The following KIF1A variants were observed in gnomAD, a reference collection of about 807,000 sequenced individuals.
The protein encoded by KIF1A is kinesin family member 1A.
In KIF1A, 46 loss-of-function variants were observed where a neutral mutation model predicts 227.3. The observed-to-expected ratio is 0.20, with a 90% CI of 0.16 to 0.26. The LOEUF (loss-of-function observed/expected upper bound fraction) is 0.26. KIF1A is among the 10% of genes least tolerant of loss of function. The pLI is 1.00. For missense variants in KIF1A, 1,683 were observed against 2,485.9 expected, an observed-to-expected ratio of 0.68 and a Z score of 6.87; for synonymous variants, 1,022 against 1,012.8, an observed-to-expected ratio of 1.01 and a Z score of -0.17.
chr2:240,797,953 G>A (rs941211301), intron 1 of KIF1A, 141 bp from the exon 2 acceptor site: 1 of 535,916 alleles, frequency 1.9e-6, no homozygotes, highest in Non-Finnish European at 3.3e-6. Context: ...GAATCCACAA[G>A]GAGAGGAGGC....
At position 240,725,140 on chromosome 2, in the gene KIF1A, C is replaced by A. The variant is rs1303426275; in HGVS notation, c.4256+131G>T. 6 of 928,920 alleles carry A rather than the reference C, an allele frequency of 6.5e-6. No homozygotes were observed. The Admixed American group carries it at 1.6e-4, about 24-fold the overall frequency. 57.5% of individuals were successfully genotyped at this position (928,920 alleles called of 1,614,324 possible). On this transcript the variant is annotated intron_variant, in intron 40 of 48. Coordinates refer to ENST00000498729, the MANE Select transcript of KIF1A (RefSeq NM_001244008.2). The surrounding 1 kb of genome is among the most constrained non-coding windows in gnomAD (Gnocchi z 5.8). ...AGGGGACTGAGCGCAGGGAGCCAGC[C>A]AGGAGTGTGGCTGGGCCTCGCACAG...
rs902306423 is a variant in KIF1A at position 240,737,278 on chromosome 2, T to C, written c.3902-110A>G. On this transcript the variant is annotated intron_variant, in intron 37 of 48. Transcript: ENST00000498729. ...GCAAGCCAGCTCCCCACATGGTCAC[T>C]AGAGCGTCTGTCAAAGGCGGTGCCA... 562 of 824,560 alleles carry C rather than the reference T, an allele frequency of 6.8e-4. 1 individual carries two copies. The highest frequency in any genetic ancestry group is 7.3e-4 in the Non-Finnish European group (343 of 471,158). 51.1% of individuals were successfully genotyped at this position (824,560 alleles called of 1,614,324 possible). A position where few individuals can be genotyped will look rare whatever the true frequency, so the allele number is the denominator to read the frequency against.
chr2:240,797,943 G>C, intron 1 of KIF1A, 131 bp from the exon 2 acceptor site: 1 of 550,650 alleles, frequency 1.8e-6, no homozygotes, highest in Non-Finnish European at 3.2e-6. Flanking sequence ...GCATGGGGTG[G>C]AATCCACAAG....
In KIF1A at chr2:240,788,138, G is replaced by A; in HGVS notation, c.276C>T (p.Cys92=). 1 of 1,612,376 alleles carries A rather than the reference G, an allele frequency of 6.2e-7. No individual in the cohort carries two copies. The highest frequency in any genetic ancestry group is 8.5e-7 in the Non-Finnish European group (1 of 1,179,126). ...CACCCGTCTGCCCATAGGCGAAGAT[G>A]CACACGTTGTATCCCTCAAAGGCAT... ...LQHAFEGYNV[C]IFAYGQTGAG... The change falls in exon 4 of 49, where the codon TGC becomes TGT. Residue 92 remains cysteine, a synonymous_variant. Transcript: ENST00000498729. This position sits in a 1 kb window ranked among gnomAD's most constrained non-coding sequence, Gnocchi z 6.6.
chr2:240,818,521 C>T (rs568180053), intron 1 of KIF1A: 2 of 153,626 alleles, frequency 1.3e-5, no homozygotes, highest in Non-Finnish European at 2.9e-5. Flanking sequence ...GCACCGCAAG[C>T]TCCACATCTG....
Position 240,752,720 on chromosome 2 carries a change from G to C in KIF1A, c.2859-2173C>G, listed in dbSNP as rs1355883378. On this transcript the variant is annotated intron_variant, in intron 27 of 48. Coordinates refer to ENST00000498729, the MANE Select transcript of KIF1A (RefSeq NM_001244008.2). This position sits in a 1 kb window ranked among gnomAD's most constrained non-coding sequence, Gnocchi z 6.4. The stretch of plus-strand genomic sequence containing the variant: ...CCCACCCACCCCACATTTTCCCAGA[G>C]CTAGTGCCCACTGCAAAAATCCCAG... Among the ~76,000 whole-genome samples, 2 of 151,960 alleles carry C rather than the reference G, an allele frequency of 1.3e-5. No individual in the cohort carries two copies. Among genetic ancestry groups the C allele is most frequent in the African/African-American group, 4.8e-5 (2 of 41,374 alleles).
At chr2:240,728,807 C>T (rs952079096) in intron 38 of KIF1A, among the ~76,000 whole-genome samples, 15 of 152,224 alleles carry the variant, frequency 9.9e-5, no homozygotes, top group African/African-American at 2.2e-4. Flanking sequence ...TGCCTCAGAC[C>T]GCTGGAATGC....
chr2:240,812,734 GA>G (rs2057974702), intron 1 of KIF1A, among the ~76,000 whole-genome samples: 1 of 150,046 alleles, frequency 6.7e-6, no homozygotes, highest in Non-Finnish European at 1.5e-5. Context: ...TCACCTCAGG[GA>G]TCCGCCTTCA....
In KIF1A at chr2:240,725,380, C is replaced by T. The variant is rs773948117; in HGVS notation, c.4147G>A (p.Val1383Ile). 6.2e-7 allele frequency: 1 copy of T among 1,612,410 alleles called. No homozygotes were observed. The highest frequency in any genetic ancestry group is 8.5e-7 in the Non-Finnish European group (1 of 1,179,720). The change falls in exon 40 of 49, where the codon GTT becomes ATT. Residue 1383 changes from valine (V) to isoleucine (I), a missense_variant. Transcript: ENST00000498729. The surrounding 1 kb of genome is among the most constrained non-coding windows in gnomAD (Gnocchi z 5.8). ...IEMENCTQPAVVTKDFCMVFY... is the reference protein window; with the variant it reads ...IEMENCTQPAIVTKDFCMVFY... ...ACCATGCAGAAGTCCTTGGTGACAACAGCCGGCTGGGTGCAGTTCTCCATC... is the reference window on the plus strand; with the variant it reads ...ACCATGCAGAAGTCCTTGGTGACAATAGCCGGCTGGGTGCAGTTCTCCATC...
intron 2 of KIF1A, among the ~76,000 whole-genome samples, chr2:240,794,352 T>A (rs999944032): frequency 2.0e-5 from 3 of 152,050 alleles, no homozygotes; most frequent in African/African-American, 7.3e-5. Context: ...GCCACTCTTT[T>A]CCCTCCCCCG....
intron 27 of KIF1A, among the ~76,000 whole-genome samples, chr2:240,751,916 C>T (rs182831664): frequency 6.6e-6 from 1 of 152,300 alleles, no homozygotes; most frequent in African/African-American, 2.4e-5. Flanking sequence ...CTGTCAGGAC[C>T]TTCCCCTTGG....
In KIF1A at chr2:240,792,903, C is replaced by A. The variant is rs2055896746; in HGVS notation, c.107-3591G>T. Among the ~76,000 whole-genome samples, 1 of 152,190 alleles carries A rather than the reference C, an allele frequency of 6.6e-6. No homozygotes were observed. Among genetic ancestry groups the A allele is most frequent in the Non-Finnish European group, 1.5e-5 (1 of 68,040 alleles). On this transcript the variant is annotated intron_variant, in intron 2 of 48. Coordinates refer to ENST00000498729, the MANE Select transcript of KIF1A (RefSeq NM_001244008.2). The surrounding 1 kb of genome is among the most constrained non-coding windows in gnomAD (Gnocchi z 4.5). Reference sequence around the variant, plus strand: ...GCAGGCTGGGAAGACAGCCCTCCCACGATCTAGACCTGTGGGCATCTTGAT... The same window carrying A: ...GCAGGCTGGGAAGACAGCCCTCCCAAGATCTAGACCTGTGGGCATCTTGAT...
Position 240,726,977 on chromosome 2 carries a change from G to A in KIF1A, c.4008-37C>T, listed in dbSNP as rs767812450. 8.2e-5 allele frequency: 107 copies of A among 1,304,094 alleles called. No homozygotes were observed. The highest frequency in any genetic ancestry group is 7.4e-4 in the South Asian group (58 of 78,516). 80.8% of individuals were successfully genotyped at this position (1,304,094 alleles called of 1,614,324 possible). A position where few individuals can be genotyped will look rare whatever the true frequency, so the allele number is the denominator to read the frequency against. On this transcript the variant is annotated intron_variant, in intron 38 of 48. Coordinates refer to ENST00000498729, the MANE Select transcript of KIF1A (RefSeq NM_001244008.2). This position sits in a 1 kb window ranked among gnomAD's most constrained non-coding sequence, Gnocchi z 5.2. ...CAGAGACAAAGTAGAAGTTGATGGC[G>A]TGGGGGCTGCTTTCAGCCAGGCCGG...
intron 10 of KIF1A, 41 bp downstream of exon 10, chr2:240,782,549 A>AGCCTCCCGTG (rs1480717646): frequency 2.2e-5 from 34 of 1,548,646 alleles, no homozygotes; most frequent in Non-Finnish European, 2.8e-5. Context: ...CACCGCCACC[A>AGCCTCCCGTG]GCCTCCCGCA....
chr2:240,809,886 TA>T (rs11336419), intron 1 of KIF1A, among the ~76,000 whole-genome samples: 92,026 of 145,658 alleles, frequency 0.63, 29,075 homozygotes, highest in South Asian at 0.78. Context: ...TAAAGTATAA[TA>T]AAAAAAAAAA....
intron 1 of KIF1A, among the ~76,000 whole-genome samples, chr2:240,813,171 G>T (rs981569970): frequency 2.0e-5 from 3 of 152,266 alleles, no homozygotes; most frequent in Non-Finnish European, 2.9e-5. Flanking sequence ...ACCACAGCAG[G>T]TTTTTCTTAG....
In KIF1A at chr2:240,740,558, C is replaced by T. The variant is rs951021607; in HGVS notation, c.3750-194G>A. On this transcript the variant is annotated intron_variant, in intron 35 of 48. Coordinates refer to ENST00000498729, the MANE Select transcript of KIF1A (RefSeq NM_001244008.2). This position sits in a 1 kb window ranked among gnomAD's most constrained non-coding sequence, Gnocchi z 6.1. ...CACCAGGCCTCCTTGGCTATCACCT[C>T]CCAGCCCTGCCCACTGGACTGGCAG... Among the ~76,000 whole-genome samples the T allele has an allele frequency of 2.0e-5, 3 of 152,120 alleles. No individual in the cohort carries two copies. Among genetic ancestry groups the T allele is most frequent in the Non-Finnish European group, 4.4e-5 (3 of 68,004 alleles).
chr2:240,794,916 G>A (rs2056197333), intron 2 of KIF1A, among the ~76,000 whole-genome samples: 1 of 152,206 alleles, frequency 6.6e-6, no homozygotes, highest in Non-Finnish European at 1.5e-5. Context: ...TCCCGAGGAT[G>A]AAAGTGACAA....
chr2:240,753,150 C>T (rs933091368), intron 27 of KIF1A, among the ~76,000 whole-genome samples: 3 of 152,240 alleles, frequency 2.0e-5, no homozygotes, highest in African/African-American at 7.2e-5. Context: ...AGGGAGGAGA[C>T]TTCTGCACCT....
Sources: allele counts gnomAD v4.1 joint callset (sites outside exome capture counted in the v4.1 genomes callset), GRCh38; gene constraint gnomAD v4.1.1; non-coding constraint Gnocchi (gnomAD v3.1); transcripts MANE v1.5; gene names NCBI Gene and HGNC (gene_info 2026-07-23, HGNC 2026-07-21).